The following KIAA0825 variants were observed in gnomAD, a reference collection of about 807,000 sequenced individuals.
The protein encoded by KIAA0825 is KIAA0825.
A neutral mutation model predicts 147.6 loss-of-function variants in KIAA0825; 119 were observed. The observed-to-expected ratio is 0.81, with a 90% CI of 0.69 to 0.94. The LOEUF (loss-of-function observed/expected upper bound fraction) is 0.94, where lower values mean the gene tolerates loss of function less well. Among genes scored for constraint, KIAA0825 ranks in the 40% least tolerant of loss-of-function variants. KIAA0825 has a pLI of 0.00. For synonymous variants in KIAA0825, 470 were observed against 518.1 expected (o/e 0.91, Z 1.26); for missense variants, 1,381 against 1,472.7 (o/e 0.94, Z 1.02).
At chr5:94,614,815 C>A (rs1026050529) in intron 1 of KIAA0825, among the ~76,000 whole-genome samples, 2 of 152,112 alleles carry the variant, frequency 1.3e-5, no homozygotes, top group Non-Finnish European at 2.9e-5. Flanking sequence ...TCCTAGTAGA[C>A]TGTAAGTGAA....
intron 20 of KIAA0825, among the ~76,000 whole-genome samples, chr5:94,250,524 C>G (rs1256766821): frequency 1.3e-5 from 2 of 152,102 alleles, no homozygotes; most frequent in African/African-American, 4.8e-5. Flanking sequence ...AAAACTAGTA[C>G]TTTGACACCC....
chr5:94,229,640 T>C (rs1774516510), intron 20 of KIAA0825, among the ~76,000 whole-genome samples: 1 of 152,000 alleles, frequency 6.6e-6, no homozygotes, highest in Admixed American at 6.6e-5. Context: ...TTTCCTGTAT[T>C]TTCTACATTT....
At chr5:94,533,164 G>C (rs181731952) in intron 3 of KIAA0825, among the ~76,000 whole-genome samples, 2,283 of 150,872 alleles carry the variant, frequency 0.015, 58 homozygotes, top group African/African-American at 0.052. Context: ...ATTTTTAGTA[G>C]AGGCAGGGTT....
intron 20 of KIAA0825, among the ~76,000 whole-genome samples, chr5:94,344,052 C>A (rs1782720998): frequency 6.6e-6 from 1 of 152,154 alleles, no homozygotes. Flanking sequence ...TAGCTTGGCA[C>A]AATCTAATGT....
At chr5:94,603,715 A>G (rs1786947410) in intron 1 of KIAA0825, among the ~76,000 whole-genome samples, 1 of 152,234 alleles carries the variant, frequency 6.6e-6, no homozygotes, top group Non-Finnish European at 1.5e-5. Flanking sequence ...GGGTCAAAAT[A>G]AAGGGATGGA....
intron 20 of KIAA0825, among the ~76,000 whole-genome samples, chr5:94,233,433 A>C (rs940514652): frequency 1.3e-5 from 2 of 152,204 alleles, no homozygotes; most frequent in African/African-American, 2.4e-5. Context: ...ACTTAAATTT[A>C]TCTCTCATTT....
intron 2 of KIAA0825, among the ~76,000 whole-genome samples, chr5:94,581,384 T>C (rs1213553343): frequency 1.3e-5 from 2 of 152,228 alleles, no homozygotes; most frequent in African/African-American, 2.4e-5. Context: ...ATTCCACTTC[T>C]GTATGACCTA....
chr5:94,463,145 C>G (rs568704324), intron 11 of KIAA0825, among the ~76,000 whole-genome samples: 83 of 151,624 alleles, frequency 5.5e-4, no homozygotes, highest in Middle Eastern at 6.8e-3. Context: ...TATTATTTAT[C>G]TTATTCATAG....
chr5:94,519,777 T>G, intron 5 of KIAA0825: 1 of 826,184 alleles, frequency 1.2e-6, no homozygotes, highest in Non-Finnish European at 1.5e-6. Flanking sequence ...TAATAATGCT[T>G]TAGCTTTGGA....
At chr5:94,262,651 T>TAA (rs1776551943) in intron 20 of KIAA0825, among the ~76,000 whole-genome samples, 1 of 152,162 alleles carries the variant, frequency 6.6e-6, no homozygotes, top group Non-Finnish European at 1.5e-5. Flanking sequence ...ATCACTATGT[T>TAA]ACACTGTCAA....
chr5:94,415,725 T>C (rs897848815), intron 15 of KIAA0825: 6 of 152,176 alleles, frequency 3.9e-5, no homozygotes, highest in African/African-American at 4.8e-5. Flanking sequence ...TCCAGAGACT[T>C]GTCTGACCAT....
intron 2 of KIAA0825, among the ~76,000 whole-genome samples, chr5:94,546,942 A>T (rs1380826534): frequency 6.6e-6 from 1 of 152,056 alleles, no homozygotes; most frequent in Non-Finnish European, 1.5e-5. Flanking sequence ...AGCTGTGTTG[A>T]GGAAAATCAA....
intron 20 of KIAA0825, among the ~76,000 whole-genome samples, chr5:94,159,230 A>G (rs1427767016): frequency 6.6e-6 from 1 of 152,112 alleles, no homozygotes; most frequent in Non-Finnish European, 1.5e-5. Context: ...TCCTCCCAGT[A>G]GACATGGGAG....
intron 20 of KIAA0825, among the ~76,000 whole-genome samples, chr5:94,276,948 C>T (rs1393733997): frequency 3.3e-5 from 5 of 152,034 alleles, no homozygotes; most frequent in African/African-American, 1.2e-4. Context: ...CTGTTCAGGG[C>T]CAGGAGGAGT....
Position 94,152,840 on chromosome 5 carries a change from AAAAAAAAAAAAAAAATTATATATAT to A in KIAA0825, c.*1142_*1166del, listed in dbSNP as rs1766609248. The A allele has an allele frequency of 3.0e-5, 1 of 33,768 alleles. No individual in the cohort carries two copies. Among genetic ancestry groups the A allele is most frequent in the African/African-American group, 1.1e-4 (1 of 9,314 alleles). The allele number at this position is 33,768 out of a possible 1,614,324, so 2.1% of individuals were successfully genotyped here. A position where few individuals can be genotyped will look rare whatever the true frequency, so the allele number is the denominator to read the frequency against. On this transcript the variant is annotated 3_prime_UTR_variant, in exon 21 of 21. Transcript: ENST00000682413. ...TAAAATGAAAAAAAAAAAAAAAAAA[AAAAAAAAAAAAAAAATTATATATAT>A]ATATATATATATATATATATATATA...
chr5:94,454,369 T>G (rs907334639), intron 12 of KIAA0825, among the ~76,000 whole-genome samples: 1 of 152,194 alleles, frequency 6.6e-6, no homozygotes, highest in South Asian at 2.1e-4. Context: ...GCTTCTTGTA[T>G]CCTCATGCTT....
At chr5:94,401,809 A>G (rs1751417250) in intron 16 of KIAA0825, among the ~76,000 whole-genome samples, 2 of 152,174 alleles carry the variant, frequency 1.3e-5, no homozygotes, top group African/African-American at 4.8e-5. Context: ...GCTCTGAAAC[A>G]CAGTGCCTGG....
At chr5:94,608,469 TATATAATATATATATATATATAA>T (rs1787974529) in intron 1 of KIAA0825, among the ~76,000 whole-genome samples, 1 of 21,440 alleles carries the variant, frequency 4.7e-5, no homozygotes, top group Non-Finnish European at 8.1e-5. Flanking sequence ...ATATATTATA[TATATAATATATATATATATATAA>T]TTATATATAT....
At chr5:94,450,092 T>C (rs1225561514) in intron 13 of KIAA0825, among the ~76,000 whole-genome samples, 2 of 151,732 alleles carry the variant, frequency 1.3e-5, no homozygotes, top group African/African-American at 4.8e-5. Flanking sequence ...AAAAAGAGTA[T>C]TCATAATTAA....
Sources: allele counts gnomAD v4.1 joint callset (sites outside exome capture counted in the v4.1 genomes callset), GRCh38; gene constraint gnomAD v4.1.1; transcripts MANE v1.5; gene names NCBI Gene and HGNC (gene_info 2026-07-23, HGNC 2026-07-21).